POLR3B: variants seen among roughly 807,000 people sequenced by gnomAD.
The protein encoded by POLR3B is DNA-directed RNA polymerase III subunit RPC2.
A neutral mutation model predicts 147.4 loss-of-function variants in POLR3B; 96 were observed. The ratio of observed to expected loss-of-function variants is 0.65; its 90% CI spans 0.55 to 0.77. The LOEUF (loss-of-function observed/expected upper bound fraction) is 0.77. Ranked by LOEUF, POLR3B falls within the 30% of genes least tolerant of loss-of-function variation. The pLI is 0.00. For synonymous variants in POLR3B, 461 were observed against 485.9 expected, an observed-to-expected ratio of 0.95 and a Z score of 0.67; for missense variants, 1,036 against 1,413.5, an observed-to-expected ratio of 0.73 and a Z score of 4.28.
At chr12:106,470,349 A>T (rs1042392197) in intron 23 of POLR3B, among the ~76,000 whole-genome samples, 38 of 152,228 alleles carry the variant, frequency 2.5e-4, no homozygotes, top group Middle Eastern at 6.8e-3. Context: ...TTAGCCATTC[A>T]TCTAACCTTT....
At chr12:106,435,894 GA>G (rs762395931) in intron 16 of POLR3B, among the ~76,000 whole-genome samples, 1 of 152,204 alleles carries the variant, frequency 6.6e-6, no homozygotes, top group South Asian at 2.1e-4. Context: ...GATCTAGCAG[GA>G]AAAAATAGTA....
chr12:106,358,440 C>T (rs995367047), intron 1 of POLR3B, among the ~76,000 whole-genome samples: 1 of 152,170 alleles, frequency 6.6e-6, no homozygotes, highest in Non-Finnish European at 1.5e-5. Flanking sequence ...TAAACGCCCT[C>T]AATATTTACT....
intron 23 of POLR3B, among the ~76,000 whole-genome samples, chr12:106,467,947 C>T (rs557983422): frequency 6.6e-6 from 1 of 152,128 alleles, no homozygotes; most frequent in Non-Finnish European, 1.5e-5. Flanking sequence ...GATTTGGTAT[C>T]AGGATGATGC....
chr12:106,501,363 T>C lies in POLR3B; in HGVS notation c.3025T>C (p.Tyr1009His). 2 of 1,613,862 alleles carry C rather than the reference T, an allele frequency of 1.2e-6. No homozygotes were observed. Among genetic ancestry groups the C allele is most frequent in the Non-Finnish European group, 8.5e-7 (1 of 1,179,708 alleles). ...EAYIYFGPVYYQKLKHMVLDK... is the reference protein window; with the variant it reads ...EAYIYFGPVYHQKLKHMVLDK... ...ATACATCTATTTTGGCCCCGTGTAC[T>C]ATCAGAAGCTGAAACACATGGTGCT... The change falls in exon 26 of 28, where the codon TAT (tyrosine) becomes CAT (histidine). Residue 1009 changes from tyrosine (Y) to histidine (H), a missense_variant. By Grantham distance (83) the Tyr-to-His change is moderately conservative. Transcript: ENST00000228347.
intron 5 of POLR3B, 101 bp downstream of exon 5, chr12:106,369,451 G>A (rs1189512793): frequency 3.2e-6 from 3 of 951,660 alleles, no homozygotes; most frequent in Non-Finnish European, 5.2e-6. Flanking sequence ...GATGGGGGGG[G>A]ACATTCTTTG....
intron 23 of POLR3B, among the ~76,000 whole-genome samples, chr12:106,480,363 C>T (rs376969930): frequency 2.0e-5 from 3 of 152,258 alleles, no homozygotes; most frequent in East Asian, 3.9e-4. Context: ...TAGTGAACTA[C>T]TTTATTGTTG....
chr12:106,371,584 A>G (rs2036607606), intron 6 of POLR3B, among the ~76,000 whole-genome samples: 2 of 150,120 alleles, frequency 1.3e-5, no homozygotes, highest in Non-Finnish European at 3.0e-5. Context: ...TGTGGCACAT[A>G]TACACCATGG....
chr12:106,462,500 A>C (rs2037952422), intron 22 of POLR3B, among the ~76,000 whole-genome samples: 1 of 152,114 alleles, frequency 6.6e-6, no homozygotes, highest in Non-Finnish European at 1.5e-5. Flanking sequence ...TTGACCTCCC[A>C]AAGTGCTGGG....
chr12:106,420,337 T>G (rs548150300), intron 12 of POLR3B, among the ~76,000 whole-genome samples: 1 of 152,268 alleles, frequency 6.6e-6, no homozygotes, highest in African/African-American at 2.4e-5. Context: ...TTTATGGAAT[T>G]CCCCTTCACC....
chr12:106,504,212 T>C lies in POLR3B; in HGVS notation c.3230T>C (p.Val1077Ala). ...ATGATTTCAAGTGATGCCTTTGAGGTTGATGTCTGTGGGCAGTGTGGACTT... is the reference window on the plus strand; with the variant it reads ...ATGATTTCAAGTGATGCCTTTGAGGCTGATGTCTGTGGGCAGTGTGGACTT... ...RLMISSDAFE[V>A]DVCGQCGLLG... Residue 1077 changes from valine to alanine, a missense_variant, in exon 27 of 28, where the codon GTT becomes GCT. This residue lies in a region of POLR3B where 69 missense variants were observed against 89.8 expected (regional missense o/e 0.77). Transcript: ENST00000228347. This position sits in a 1 kb window ranked among gnomAD's most constrained non-coding sequence, Gnocchi z 4.6. 1 of 1,614,188 alleles carries C rather than the reference T, an allele frequency of 6.2e-7. No homozygotes were observed. Among genetic ancestry groups the C allele is most frequent in the African/African-American group, 1.3e-5 (1 of 75,056 alleles).
intron 1 of POLR3B, among the ~76,000 whole-genome samples, chr12:106,360,559 C>T (rs1254674643): frequency 6.6e-6 from 1 of 152,214 alleles, no homozygotes; most frequent in East Asian, 1.9e-4. Context: ...AAAATATTTA[C>T]TTAAACTTTC....
At chr12:106,383,176 C>T (rs189691888) in intron 9 of POLR3B, among the ~76,000 whole-genome samples, 11 of 152,292 alleles carry the variant, frequency 7.2e-5, no homozygotes, top group Admixed American at 2.0e-4. Flanking sequence ...AGAGTTAGGC[C>T]CTTACTCTGG....
At position 106,357,889 on chromosome 12, in the gene POLR3B, C is replaced by G; in HGVS notation, c.10C>G (p.Leu4Val). Residue 4 changes from leucine (L) to valine (V), a missense_variant, in exon 1 of 28, where the codon CTA (leucine) becomes GTA (valine). Transcript: ENST00000228347. The stretch of plus-strand genomic sequence containing the variant: ...CTCCTTCGTGAGCAGCATGGACGTG[C>G]TAGCGGAGGAGTTTGGGAACCTGAC... MDV[L>V]AEEFGNLTPE... 1 of 1,613,650 alleles carries G rather than the reference C, an allele frequency of 6.2e-7. No individual in the cohort carries two copies. The highest frequency in any genetic ancestry group is 2.2e-5 in the East Asian group (1 of 44,888).
chr12:106,374,340 C>G (rs564583759), intron 6 of POLR3B, among the ~76,000 whole-genome samples: 112 of 152,206 alleles, frequency 7.4e-4, no homozygotes, highest in African/African-American at 2.7e-3. Flanking sequence ...CCTCCAGCCT[C>G]CCTGGTAACT....
At chr12:106,451,760 C>T (rs554102162) in intron 19 of POLR3B, among the ~76,000 whole-genome samples, 114 of 152,210 alleles carry the variant, frequency 7.5e-4, no homozygotes, top group Non-Finnish European at 1.4e-3. Context: ...CTGTTTACAT[C>T]CTTCCTTACC....
rs2038476093 is a variant in POLR3B at position 106,495,997 on chromosome 12, C to A, written c.2714-58C>A. 1.3e-5 allele frequency: 13 copies of A among 974,076 alleles called. No individual in the cohort carries two copies. In the South Asian group the frequency reaches 1.7e-4, roughly 12 times the overall value. 60.3% of individuals were successfully genotyped at this position (974,076 alleles called of 1,614,324 possible). A position where few individuals can be genotyped will look rare whatever the true frequency, so the allele number is the denominator to read the frequency against. ...GCAGCGGGGAGATCCCAATTAAGTA[C>A]TGTATTCTTCCTTTCTGCCAACTTG... On this transcript the variant is annotated intron_variant, in intron 23 of 27. Coordinates refer to ENST00000228347, the MANE Select transcript of POLR3B (RefSeq NM_018082.6).
At chr12:106,448,248 A>G (rs1246204002) in intron 19 of POLR3B, among the ~76,000 whole-genome samples, 1 of 151,904 alleles carries the variant, frequency 6.6e-6, no homozygotes, top group African/African-American at 2.4e-5. Context: ...GAATATATAC[A>G]TATATATGGA....
rs1356286326 is a variant in POLR3B, at chr12:106,446,424, A to G, written c.2083+1834A>G. On this transcript the variant is annotated intron_variant, in intron 19 of 27. Coordinates refer to ENST00000228347, the MANE Select transcript of POLR3B (RefSeq NM_018082.6). Reference sequence around the variant, plus strand: ...TTATAACTCCTCTCCCCACAAAAAAAAAAAAAAAAAAGAAAAGAGAAACCC... The same window carrying G: ...TTATAACTCCTCTCCCCACAAAAAAGAAAAAAAAAAAGAAAAGAGAAACCC... 6 of 340,746 alleles carry G rather than the reference A, an allele frequency of 1.8e-5. No homozygotes were observed. In the East Asian group the frequency reaches 4.7e-4, roughly 27 times the overall value. 21.1% of individuals were successfully genotyped at this position (340,746 alleles called of 1,614,324 possible).
chr12:106,415,635 C>A (rs1421259001), intron 12 of POLR3B, among the ~76,000 whole-genome samples: 1 of 152,104 alleles, frequency 6.6e-6, no homozygotes, highest in Non-Finnish European at 1.5e-5. Context: ...CAAGACACTT[C>A]TTTTGTTATT....
Sources: gnomAD v4.1 joint callset for allele counts (sites outside exome capture counted in the v4.1 genomes callset) on GRCh38, gnomAD v4.1.1 for gene constraint, gnomAD v4.1.1 regional missense constraint, Gnocchi (gnomAD v3.1) non-coding constraint, MANE v1.5 for transcripts, NCBI Gene and HGNC (gene_info 2026-07-23, HGNC 2026-07-21) for gene names.